DHRSX: variants seen among roughly 807,000 people sequenced by gnomAD.
DHRSX encodes dehydrogenase/reductase X-linked.
DHRSX carries 31 observed loss-of-function variants against 34.0 expected under a neutral mutation model. The observed-to-expected ratio is 0.91, with a 90% CI of 0.69 to 1.23. The LOEUF is 1.23. Ranked by LOEUF, DHRSX falls within the 50% of genes most tolerant of loss-of-function variation. The pLI, the probability that DHRSX is intolerant of heterozygous loss-of-function variation, is 0.00. For missense variants in DHRSX, 414 were observed against 428.1 expected, an observed-to-expected ratio of 0.97 and a Z score of 0.29; for synonymous variants, 201 against 183.8, an observed-to-expected ratio of 1.09 and a Z score of -0.76.
At chrX:2,478,252 G>A (rs1272102974) in intron 1 of DHRSX, among the ~76,000 whole-genome samples, 2 of 152,146 alleles carry the variant, frequency 1.3e-5, no homozygotes, top group East Asian at 1.9e-4. Context: ...GGCTGGCTGC[G>A]TCTCTCACTG....
chrX:2,446,316 T>C (rs1158912353), intron 1 of DHRSX, among the ~76,000 whole-genome samples: 1 of 150,542 alleles, frequency 6.6e-6, no homozygotes, highest in East Asian at 2.0e-4. Context: ...GTGTAGGCAC[T>C]GAAGACATTC....
chrX:2,221,542 C>T (rs964811428), intron 6 of DHRSX, among the ~76,000 whole-genome samples: 4 of 152,082 alleles, frequency 2.6e-5, no homozygotes, highest in South Asian at 2.1e-4. Context: ...TTTATGGGAC[C>T]GAAATGCTTA....
intron 3 of DHRSX, among the ~76,000 whole-genome samples, chrX:2,328,122 T>C (rs1315845255): frequency 6.8e-6 from 1 of 146,592 alleles, no homozygotes; most frequent in Non-Finnish European, 1.5e-5. Context: ...ACACACAGAG[T>C]GACGACCCTG....
chrX:2,361,509 G>T (rs1443921910), intron 3 of DHRSX, among the ~76,000 whole-genome samples: 1 of 152,148 alleles, frequency 6.6e-6, no homozygotes, highest in African/African-American at 2.4e-5. Flanking sequence ...GTCTTATAAA[G>T]ACCTAAATCT....
At chrX:2,394,682 A>G (rs1265294943) in intron 3 of DHRSX, among the ~76,000 whole-genome samples, 1 of 152,142 alleles carries the variant, frequency 6.6e-6, no homozygotes, top group Non-Finnish European at 1.5e-5. Context: ...CCTGGCCAAC[A>G]TGGTGAAACC....
intron 3 of DHRSX, among the ~76,000 whole-genome samples, chrX:2,388,605 C>A (rs1183989443): frequency 6.7e-6 from 1 of 148,774 alleles, no homozygotes; most frequent in East Asian, 2.0e-4. Context: ...TCTAAGCCAC[C>A]CAGCCTATGG....
At chrX:2,324,444 A>C (rs1043118910) in intron 3 of DHRSX, among the ~76,000 whole-genome samples, 2 of 152,114 alleles carry the variant, frequency 1.3e-5, no homozygotes, top group Non-Finnish European at 2.9e-5. Context: ...TTTTTCTAAG[A>C]AACACTAAAC....
At chrX:2,291,292 C>T (rs964180991) in intron 4 of DHRSX, among the ~76,000 whole-genome samples, 7 of 152,164 alleles carry the variant, frequency 4.6e-5, no homozygotes, top group Non-Finnish European at 1.0e-4. Flanking sequence ...CATGTTATCG[C>T]GTTTACCATT....
At chrX:2,398,672 T>A (rs1480354525) in intron 3 of DHRSX, among the ~76,000 whole-genome samples, 57 of 136,716 alleles carry the variant, frequency 4.2e-4, no homozygotes, top group African/African-American at 1.8e-3. Context: ...GCATATTCCT[T>A]TTTTTTTTTT....
chrX:2,345,868 C>T (rs2042702476), intron 3 of DHRSX, among the ~76,000 whole-genome samples: 2 of 152,068 alleles, frequency 1.3e-5, no homozygotes, highest in Non-Finnish European at 2.9e-5. Flanking sequence ...TGGTCTACCC[C>T]ATACATCTTG....
intron 3 of DHRSX, among the ~76,000 whole-genome samples, chrX:2,319,622 C>T (rs1369333353): frequency 6.7e-6 from 1 of 149,068 alleles, no homozygotes; most frequent in Non-Finnish European, 1.5e-5. Flanking sequence ...ATTTTCTCTT[C>T]TCTTCCTTAG....
At chrX:2,223,132 A>C (rs1012742005) in intron 6 of DHRSX, among the ~76,000 whole-genome samples, 9 of 152,108 alleles carry the variant, frequency 5.9e-5, no homozygotes, top group African/African-American at 2.2e-4. Flanking sequence ...GTCCCCACCC[A>C]AATTTCATCT....
chrX:2,394,969 G>A (rs779950458), intron 3 of DHRSX, among the ~76,000 whole-genome samples: 2 of 151,650 alleles, frequency 1.3e-5, no homozygotes, highest in African/African-American at 2.4e-5. Context: ...ATGGAGGGAG[G>A]TTGGAGTCCT....
Position 2,291,507 on chromosome X carries a change from T to G in DHRSX, c.383A>C (p.Asn128Thr), listed in dbSNP as rs2041864721. The G allele has an allele frequency of 6.2e-7, 1 of 1,613,262 alleles. No individual in the cohort carries two copies. Among genetic ancestry groups the G allele is most frequent in the South Asian group, 1.1e-5 (1 of 91,052 alleles). Residue 128 changes from asparagine to threonine, a missense_variant, in exon 4 of 7, where the codon AAC becomes ACC. By Grantham distance (65) the Asn-to-Thr change is moderately conservative (BLOSUM62 0). Coordinates refer to ENST00000334651, the MANE Select transcript of DHRSX (RefSeq NM_145177.3). ...GCAATTTCACCAGGACTCACCATTG[T>G]TGATCAGGACATGGAGAGGAATCTT... Reference protein sequence around the residue: ...MKKIPLHVLINNAGVMMVPQR... With the variant: ...MKKIPLHVLITNAGVMMVPQR...
intron 1 of DHRSX, among the ~76,000 whole-genome samples, chrX:2,461,432 T>C (rs189525019): frequency 2.6e-5 from 4 of 152,370 alleles, no homozygotes; most frequent in South Asian, 2.1e-4. Flanking sequence ...CTTTCTTTCA[T>C]GCAAGCCCTC....
At chrX:2,392,954 TATA>T (rs2043353317) in intron 3 of DHRSX, among the ~76,000 whole-genome samples, 1 of 143,508 alleles carries the variant, frequency 7.0e-6, no homozygotes. Flanking sequence ...ATATCTTGTA[TATA>T]ATTTTATATT....
At chrX:2,330,139 G>A (rs938794136) in intron 3 of DHRSX, among the ~76,000 whole-genome samples, 1 of 133,624 alleles carries the variant, frequency 7.5e-6, no homozygotes, top group Non-Finnish European at 1.6e-5. Flanking sequence ...AGAAAGGAAG[G>A]AGGAGGAGGA....
At chrX:2,468,931 C>T (rs1454721792) in intron 1 of DHRSX, among the ~76,000 whole-genome samples, 1 of 151,368 alleles carries the variant, frequency 6.6e-6, no homozygotes, top group Non-Finnish European at 1.5e-5. Context: ...ACACTGAAGA[C>T]GTTCCCTAAG....
At chrX:2,367,092 G>GCTA (rs2043002507) in intron 3 of DHRSX, among the ~76,000 whole-genome samples, 1 of 151,958 alleles carries the variant, frequency 6.6e-6, no homozygotes, top group South Asian at 2.1e-4. Context: ...CTTTCAAGAG[G>GCTA]AACCACAATG....
Sources: gnomAD v4.1 joint callset for allele counts (sites outside exome capture counted in the v4.1 genomes callset) on GRCh38, gnomAD v4.1.1 for gene constraint, MANE v1.5 for transcripts, NCBI Gene and HGNC (gene_info 2026-07-23, HGNC 2026-07-21) for gene names.